TMCC3: variants seen among roughly 807,000 people sequenced by gnomAD.
The protein encoded by TMCC3 is transmembrane and coiled-coil domain family 3.
TMCC3 carries 28 observed loss-of-function variants against 40.2 expected under a neutral mutation model. The observed-to-expected ratio is 0.70, with a 90% CI of 0.52 to 0.95. The LOEUF (loss-of-function observed/expected upper bound fraction) is 0.95. TMCC3 is among the 40% of genes least tolerant of loss of function. The probability of loss-of-function intolerance (pLI) is 0.00; values close to 1 mark genes in which losing one functional copy is unlikely to be tolerated. For synonymous variants in TMCC3, 255 were observed against 248.5 expected (o/e 1.03, Z -0.25); for missense variants, 554 against 615.2 (o/e 0.90, Z 1.05).
chr12:94,601,793 A>G, intron 1 of TMCC3, among the ~76,000 whole-genome samples: 1 of 120,672 alleles, frequency 8.3e-6, no homozygotes, highest in Non-Finnish European at 1.6e-5. Context: ...TGGGTGACAG[A>G]GTGAGACCTG....
In TMCC3 at chr12:94,570,745, A is replaced by T. The variant is rs1310218248; in HGVS notation, c.*690T>A. On this transcript the variant is annotated 3_prime_UTR_variant, in exon 4 of 4. Coordinates refer to ENST00000261226, the MANE Select transcript of TMCC3 (RefSeq NM_020698.4). ...TTTGCTAGCCAGTTGAGACAAAATC[A>T]GGTGTTGGTTGCCTGGGTATGAGAA... The T allele has an allele frequency of 6.5e-6, 1 of 152,732 alleles. No individual in the cohort carries two copies. Among genetic ancestry groups the T allele is most frequent in the Non-Finnish European group, 1.5e-5 (1 of 68,100 alleles). 9.5% of individuals were successfully genotyped at this position (152,732 alleles called of 1,614,324 possible). A position where few individuals can be genotyped will look rare whatever the true frequency, so the allele number is the denominator to read the frequency against.
chr12:94,627,029 T>C (rs1263240671), intron 1 of TMCC3, among the ~76,000 whole-genome samples: 1 of 151,786 alleles, frequency 6.6e-6, no homozygotes, highest in African/African-American at 2.4e-5. Flanking sequence ...CCAGGCTAAT[T>C]TTTGTATTTT....
intron 1 of TMCC3, among the ~76,000 whole-genome samples, chr12:94,630,251 T>C (rs917338179): frequency 1.2e-3 from 42 of 35,904 alleles, no homozygotes; most frequent in African/African-American, 4.3e-3. Flanking sequence ...AGCAAGACTC[T>C]GTCCCAAAAA....
rs1225565038 is a variant in TMCC3, at chr12:94,582,108, G to T, written c.509C>A (p.Ala170Asp). Residue 170 changes from alanine to aspartate, a missense_variant, in exon 2 of 4, where the codon GCC (alanine) becomes GAC (aspartate). Ala to Asp is a moderately radical substitution (Grantham distance 126, BLOSUM62 -2). Coordinates refer to ENST00000261226, the MANE Select transcript of TMCC3 (RefSeq NM_020698.4). ...GGGGGCAGTTCGAGATTTCACGTGG[G>T]CATCTTTCAAAGAGCGATGTATATC... ...LKDIHRSLKDAHVKSRTAPHC... is the reference protein window; with the variant it reads ...LKDIHRSLKDDHVKSRTAPHC... The T allele has an allele frequency of 6.2e-7, 1 of 1,614,004 alleles. No individual in the cohort carries two copies. The highest frequency in any genetic ancestry group is 2.2e-5 in the East Asian group (1 of 44,892).
intron 1 of TMCC3, among the ~76,000 whole-genome samples, chr12:94,619,901 C>G (rs189518003): frequency 1.3e-5 from 2 of 152,264 alleles, no homozygotes; most frequent in African/African-American, 2.4e-5. Context: ...CAGTAGCTCA[C>G]GCCTATAGTC....
At position 94,567,519 on chromosome 12, in the gene TMCC3, C is replaced by T. The variant is rs1234826319; in HGVS notation, c.*3916G>A. On this transcript the variant is annotated 3_prime_UTR_variant, in exon 4 of 4. Coordinates refer to ENST00000261226, the MANE Select transcript of TMCC3 (RefSeq NM_020698.4). ...CTAGCTTCTTATAAATTAAACTGTA[C>T]TGATTTCAGGAAACTATAGGTTAGT... The T allele has an allele frequency of 6.6e-6, 1 of 152,110 alleles. No homozygotes were observed. Among genetic ancestry groups the T allele is most frequent in the Admixed American group, 6.6e-5 (1 of 15,266 alleles). 9.4% of individuals were successfully genotyped at this position (152,110 alleles called of 1,614,324 possible).
chr12:94,582,723 A>C (rs12313375), intron 1 of TMCC3, among the ~76,000 whole-genome samples, 185 bp from the exon 2 acceptor site: 5,428 of 151,932 alleles, frequency 0.036, 183 homozygotes, highest in South Asian at 0.12. Context: ...TCCTTCCTGC[A>C]TCCATCTACA....
chr12:94,626,181 G>A (rs904484235), intron 1 of TMCC3, among the ~76,000 whole-genome samples: 9 of 152,156 alleles, frequency 5.9e-5, no homozygotes, highest in African/African-American at 9.7e-5. Context: ...TCACTATCAC[G>A]AGAACAGCAT....
At chr12:94,579,516 A>G (rs1310297173) in intron 2 of TMCC3, among the ~76,000 whole-genome samples, 2 of 152,152 alleles carry the variant, frequency 1.3e-5, no homozygotes, top group African/African-American at 4.8e-5. Flanking sequence ...CAAAACAACA[A>G]CAACAAACAA....
At chr12:94,617,963 G>A (rs1357868137) in intron 1 of TMCC3, among the ~76,000 whole-genome samples, 2 of 152,202 alleles carry the variant, frequency 1.3e-5, no homozygotes, top group South Asian at 4.1e-4. Flanking sequence ...CTTAAGTCAT[G>A]TTAAATAATG....
chr12:94,635,752 C>T (rs2068957607), intron 1 of TMCC3, among the ~76,000 whole-genome samples: 1 of 147,922 alleles, frequency 6.8e-6, no homozygotes, highest in East Asian at 2.0e-4. Flanking sequence ...TCACTGCAAC[C>T]TCCGCCTCCC....
Position 94,582,036 on chromosome 12 carries a change from G to C in TMCC3, c.581C>G (p.Thr194Ser), listed in dbSNP as rs753202590. ...CTTATTGAAAACGAACACAGGTGGA[G>C]TAAGTGAGACCCCTGGCATGCCCGA... ...SKSGMPGVSL[T>S]PPVFVFNKSR... The change falls in exon 2 of 4, where the codon ACT becomes AGT. Residue 194 changes from threonine (T) to serine (S), a missense_variant. Transcript: ENST00000261226. 2 of 1,614,086 alleles carry C rather than the reference G, an allele frequency of 1.2e-6. No individual in the cohort carries two copies. Among genetic ancestry groups the C allele is most frequent in the Non-Finnish European group, 1.7e-6 (2 of 1,180,032 alleles).
At chr12:94,629,656 G>A (rs1044975659) in intron 1 of TMCC3, among the ~76,000 whole-genome samples, 2 of 152,214 alleles carry the variant, frequency 1.3e-5, no homozygotes, top group African/African-American at 4.8e-5. Context: ...GAGAATTCTA[G>A]ATCAAAGCTC....
At chr12:94,591,306 T>C (rs899356883) in intron 1 of TMCC3, among the ~76,000 whole-genome samples, 4 of 152,192 alleles carry the variant, frequency 2.6e-5, no homozygotes, top group Non-Finnish European at 4.4e-5. Context: ...TAAATGGCAT[T>C]TTAACTTTTC....
chr12:94,581,942 AT>A lies in TMCC3; in HGVS notation c.674del (p.Asn225IlefsTer3). The A allele has an allele frequency of 6.2e-7, 1 of 1,614,208 alleles. No individual in the cohort carries two copies. The highest frequency in any genetic ancestry group is 8.5e-7 in the Non-Finnish European group (1 of 1,180,034). On this transcript the variant is annotated frameshift_variant, in exon 2 of 4. Transcript: ENST00000261226. LOFTEE classifies it high-confidence loss of function. ...CCTCTGGCCTAAACTCCTCTAAGGA[AT>A]TTTTCAAGTGAGCAATGTTGTCGGC... ...GSADNIAHLKNSLEEFRPEAS... is the reference protein window; with the variant it reads ...GSADNIAHLKXSLEEFRPEAS...
At chr12:94,609,993 A>T (rs1186641454) in intron 1 of TMCC3, 1 of 152,160 alleles carries the variant, frequency 6.6e-6, no homozygotes, top group Non-Finnish European at 1.5e-5. Context: ...GAGGCTGGGG[A>T]GGCAGCAGAT....
chr12:94,605,580 T>C (rs1566325691), intron 1 of TMCC3, among the ~76,000 whole-genome samples: 1 of 152,202 alleles, frequency 6.6e-6, no homozygotes, highest in East Asian at 1.9e-4. Flanking sequence ...CCATCACATA[T>C]GGAAAATCAG....
chr12:94,626,121 C>T (rs182811033), intron 1 of TMCC3, among the ~76,000 whole-genome samples: 15 of 152,218 alleles, frequency 9.9e-5, no homozygotes, highest in East Asian at 9.6e-4. Flanking sequence ...CATGTGTGAA[C>T]GCAGAAAAAA....
chr12:94,615,798 C>T, intron 1 of TMCC3: 3 of 468,796 alleles, frequency 6.4e-6, no homozygotes, highest in Non-Finnish European at 5.6e-6. Context: ...ACAAAGATAA[C>T]TATTAAGAGC....
Sources: gnomAD v4.1 joint callset for allele counts (sites outside exome capture counted in the v4.1 genomes callset) on GRCh38, gnomAD v4.1.1 for gene constraint, MANE v1.5 for transcripts, NCBI Gene and HGNC (gene_info 2026-07-23, HGNC 2026-07-21) for gene names.